KIZ: variants seen among roughly 807,000 people sequenced by gnomAD.
KIZ encodes centrosomal protein kizuna.
A neutral mutation model predicts 79.6 loss-of-function variants in KIZ; 68 were observed. The ratio of observed to expected loss-of-function variants is 0.85; its 90% confidence interval spans 0.70 to 1.05. The LOEUF is 1.05. KIZ is among the 50% of genes least tolerant of loss of function. KIZ has a pLI of 0.00. For synonymous variants in KIZ, 280 were observed against 281.8 expected (o/e 0.99, Z 0.06); for missense variants, 797 against 800.4 (o/e 1.00, Z 0.05).
intron 4 of KIZ, among the ~76,000 whole-genome samples, chr20:21,147,176 G>A (rs1476089784): frequency 6.6e-6 from 1 of 152,002 alleles, no homozygotes; most frequent in Non-Finnish European, 1.5e-5. Flanking sequence ...TACCTTGCAT[G>A]TAGTTGTGGA....
At chr20:21,151,585 T>C (rs575335959) in intron 4 of KIZ, 1 of 152,334 alleles carries the variant, frequency 6.6e-6, no homozygotes, top group African/African-American at 2.4e-5. Flanking sequence ...CTCCTTTTGA[T>C]AGTAGAAAAG....
intron 10 of KIZ, among the ~76,000 whole-genome samples, chr20:21,230,762 C>A (rs893489700): frequency 8.5e-5 from 13 of 152,212 alleles, no homozygotes; most frequent in Non-Finnish European, 1.8e-4. Flanking sequence ...AGTTATAAAA[C>A]AGGGCCTCTG....
intron 1 of KIZ, among the ~76,000 whole-genome samples, chr20:21,129,953 A>T (rs990223878): frequency 4.6e-5 from 7 of 152,152 alleles, no homozygotes; most frequent in Non-Finnish European, 8.8e-5. Context: ...TGAGAAGTGC[A>T]TATATGATGC....
In KIZ at chr20:21,160,874, G is replaced by C. The variant is rs547935926; in HGVS notation, c.406-997G>C. Reference sequence around the variant, plus strand: ...AGCACACAGCAGAAAGATGCTGTCTGAGAGAAAGCAGTTCCTTACCAGACC... The same window carrying C: ...AGCACACAGCAGAAAGATGCTGTCTCAGAGAAAGCAGTTCCTTACCAGACC... On this transcript the variant is annotated intron_variant, in intron 4 of 12. Coordinates refer to ENST00000619189, the MANE Select transcript of KIZ (RefSeq NM_018474.6). 3 of 152,430 alleles carry C rather than the reference G, an allele frequency of 2.0e-5. 1 individual carries two copies. Among genetic ancestry groups the C allele is most frequent in the South Asian group, 4.1e-4 (2 of 4,838 alleles). The allele number at this position is 152,430 out of a possible 1,614,324, so 9.4% of individuals were successfully genotyped here.
chr20:21,148,019 T>G (rs1438321541), intron 4 of KIZ, among the ~76,000 whole-genome samples: 1 of 143,896 alleles, frequency 6.9e-6, no homozygotes, highest in Non-Finnish European at 1.5e-5. Flanking sequence ...GAAGGACTTG[T>G]GAGCAGAGCA....
intron 4 of KIZ, chr20:21,148,871 G>C (rs545493697): frequency 1.3e-5 from 2 of 152,322 alleles, no homozygotes; most frequent in East Asian, 1.9e-4. Flanking sequence ...AGAGCTGAAG[G>C]CTTGTTGAGG....
chr20:21,159,347 ATTTG>A (rs1264305986), intron 4 of KIZ, among the ~76,000 whole-genome samples: 1 of 151,908 alleles, frequency 6.6e-6, no homozygotes, highest in East Asian at 1.9e-4. Context: ...TTTTTTATTC[ATTTG>A]TTCATTTTCT....
intron 6 of KIZ, among the ~76,000 whole-genome samples, chr20:21,176,670 A>G (rs941111784): frequency 2.6e-4 from 40 of 152,178 alleles, no homozygotes; most frequent in African/African-American, 9.4e-4. Flanking sequence ...ATTTAAAATA[A>G]CTGATTAATA....
At chr20:21,174,138 G>A (rs577840166) in intron 6 of KIZ, among the ~76,000 whole-genome samples, 5 of 152,274 alleles carry the variant, frequency 3.3e-5, no homozygotes, top group African/African-American at 1.2e-4. Context: ...TGCAGCTAGG[G>A]TCTAAACTAA....
At chr20:21,139,185 C>T (rs1375053906) in intron 3 of KIZ, 1 of 151,172 alleles carries the variant, frequency 6.6e-6, no homozygotes, top group African/African-American at 2.4e-5. Context: ...TATATTTGGC[C>T]AATTGGAGTC....
rs1404034226 is a variant in KIZ at position 21,214,570 on chromosome 20, G to A, written c.1482G>A (p.Glu494=). 6.2e-7 allele frequency: 1 copy of A among 1,613,548 alleles called. No individual in the cohort carries two copies. Among genetic ancestry groups the A allele is most frequent in the Admixed American group, 1.7e-5 (1 of 59,990 alleles). ...TALLRKALTE[E]CGRRSAIHSS... is the part of the protein sequence containing the mutation. ...TATTGAGAAAAGCCCTTACAGAAGA[G>A]TGTGGCCGTAGGTCAGCTATTCACA... The change falls in exon 8 of 13, where the codon GAG becomes GAA. Residue 494 remains glutamate (E), a synonymous_variant. Coordinates refer to ENST00000619189, the MANE Select transcript of KIZ (RefSeq NM_018474.6).
At chr20:21,185,428 G>A (rs1424784825) in intron 6 of KIZ, among the ~76,000 whole-genome samples, 10 of 34,134 alleles carry the variant, frequency 2.9e-4, no homozygotes, top group Admixed American at 1.0e-3. Flanking sequence ...TTTTTTTTTT[G>A]AGACGGATTC....
At chr20:21,222,295 A>G (rs899586992) in intron 9 of KIZ, among the ~76,000 whole-genome samples, 1 of 152,220 alleles carries the variant, frequency 6.6e-6, no homozygotes. Flanking sequence ...GTAGAATCCC[A>G]TGTAGAGTTT....
intron 6 of KIZ, among the ~76,000 whole-genome samples, chr20:21,183,231 G>A (rs2034732863): frequency 6.6e-6 from 1 of 152,156 alleles, no homozygotes; most frequent in South Asian, 2.1e-4. Flanking sequence ...AGTTGTTTGT[G>A]ATGAATAGGT....
At chr20:21,131,480 T>A (rs2031838790) in intron 1 of KIZ, among the ~76,000 whole-genome samples, 2 of 152,170 alleles carry the variant, frequency 1.3e-5, no homozygotes, top group Non-Finnish European at 2.9e-5. Flanking sequence ...CTCTATCTCA[T>A]CCACTTGGCT....
intron 12 of KIZ, chr20:21,244,958 G>C (rs1030574695): frequency 1.3e-5 from 2 of 152,474 alleles, no homozygotes; most frequent in Non-Finnish European, 2.9e-5. Context: ...TCTGTAGGGA[G>C]TTCCTTTTCC....
At chr20:21,236,020 C>T (rs2036995488) in intron 11 of KIZ, among the ~76,000 whole-genome samples, 1 of 152,232 alleles carries the variant, frequency 6.6e-6, no homozygotes, top group Admixed American at 6.5e-5. Flanking sequence ...TCTTCTCTGT[C>T]TTGGGTTTGG....
intron 6 of KIZ, among the ~76,000 whole-genome samples, chr20:21,178,884 A>G (rs75204070): frequency 0.02 from 3,000 of 152,122 alleles, 98 homozygotes; most frequent in African/African-American, 0.067. Flanking sequence ...TGATTTTTAT[A>G]TGTTGATTCA....
intron 6 of KIZ, chr20:21,166,437 C>T: frequency 6.3e-7 from 1 of 1,592,456 alleles, no homozygotes. Flanking sequence ...CTGTGGTCAT[C>T]AATGATTTCA....
Sources: gnomAD v4.1 joint callset for allele counts (sites outside exome capture counted in the v4.1 genomes callset) on GRCh38, gnomAD v4.1.1 for gene constraint, MANE v1.5 for transcripts, NCBI Gene and HGNC (gene_info 2026-07-23, HGNC 2026-07-21) for gene names.